Variants in LIMCH1 observed in about 807,000 individuals in gnomAD.
The protein encoded by LIMCH1 is LIM and calponin homology domains-containing protein 1.
LIMCH1 carries 113 observed loss-of-function variants against 176.5 expected under a neutral mutation model. That is an observed-to-expected ratio of 0.64 (90% CI 0.55 to 0.75). The LOEUF (loss-of-function observed/expected upper bound fraction) is 0.75, where lower values mean the gene tolerates loss of function less well. Among genes scored for constraint, LIMCH1 ranks in the 30% least tolerant of loss-of-function variants. The pLI, the probability that LIMCH1 is intolerant of heterozygous loss-of-function variation, is 0.00. For missense variants in LIMCH1, 1,674 were observed against 1,814.9 expected, an observed-to-expected ratio of 0.92 and a Z score of 1.41; for synonymous variants, 619 against 645.9, an observed-to-expected ratio of 0.96 and a Z score of 0.63.
chr4:41,473,699 A>G (rs1273872468), intron 1 of LIMCH1, among the ~76,000 whole-genome samples: 5 of 152,248 alleles, frequency 3.3e-5, no homozygotes, highest in African/African-American at 1.2e-4. Context: ...GCAAAAATAG[A>G]CAAATGAGAT....
intron 2 of LIMCH1, among the ~76,000 whole-genome samples, chr4:41,496,025 T>C (rs1440390777): frequency 6.6e-6 from 1 of 152,136 alleles, no homozygotes; most frequent in African/African-American, 2.4e-5. Flanking sequence ...GCAAGCTCAG[T>C]GGATGCAAGC....
chr4:41,387,881 G>A (rs924246798), intron 1 of LIMCH1, among the ~76,000 whole-genome samples: 2 of 152,032 alleles, frequency 1.3e-5, no homozygotes, highest in East Asian at 1.9e-4. Context: ...AGGCTGAGGC[G>A]GGTGGATCAC....
chr4:41,643,564 T>A (rs930431486), intron 14 of LIMCH1, among the ~76,000 whole-genome samples: 2 of 152,174 alleles, frequency 1.3e-5, no homozygotes, highest in African/African-American at 4.8e-5. Context: ...TATGTAAGCA[T>A]CACAAAAAAG....
At chr4:41,457,315 C>T (rs1364612460) in intron 1 of LIMCH1, among the ~76,000 whole-genome samples, 5 of 151,946 alleles carry the variant, frequency 3.3e-5, no homozygotes, top group African/African-American at 9.7e-5. Flanking sequence ...TTCTGGAGGC[C>T]TCTAGAAAGA....
At chr4:41,471,799 T>C (rs1364243021) in intron 1 of LIMCH1, among the ~76,000 whole-genome samples, 1 of 152,228 alleles carries the variant, frequency 6.6e-6, no homozygotes, top group African/African-American at 2.4e-5. Flanking sequence ...GACTTACTCA[T>C]TCCAGCCATG....
chr4:41,694,774 G>A (rs1225234126), intron 31 of LIMCH1, among the ~76,000 whole-genome samples: 1 of 152,086 alleles, frequency 6.6e-6, no homozygotes, highest in Admixed American at 6.6e-5. Flanking sequence ...CAGTAGCACA[G>A]GTGACGTAAA....
At chr4:41,432,964 A>G (rs1445473815) in intron 1 of LIMCH1, among the ~76,000 whole-genome samples, 3 of 152,210 alleles carry the variant, frequency 2.0e-5, no homozygotes, top group Non-Finnish European at 2.9e-5. Flanking sequence ...GGAATTTCAC[A>G]CTTAACAATC....
chr4:41,587,453 C>T (rs1303934713), intron 1 of LIMCH1, among the ~76,000 whole-genome samples: 2 of 152,112 alleles, frequency 1.3e-5, no homozygotes, highest in African/African-American at 4.8e-5. Context: ...GGGTGCCAGC[C>T]TTCAATAATG....
At chr4:41,445,020 CTTTTTT>C (rs11414585) in intron 1 of LIMCH1, among the ~76,000 whole-genome samples, 1 of 128,530 alleles carries the variant, frequency 7.8e-6, no homozygotes, top group African/African-American at 2.9e-5. Flanking sequence ...TTTTCCCATT[CTTTTTT>C]TTTTTTTTTT....
At position 41,605,836 on chromosome 4, in the gene LIMCH1, CTTAGT is replaced by C. The variant is rs902714863; in HGVS notation, c.-102-54_-102-50del. 12 of 1,053,690 alleles carry C rather than the reference CTTAGT, an allele frequency of 1.1e-5. No homozygotes were observed. In the African/African-American group the frequency reaches 1.7e-4, roughly 15 times the overall value. 65.3% of individuals were successfully genotyped at this position (1,053,690 alleles called of 1,614,324 possible). ...CCTGTTAGTGGTACATTATTGACTCCTTAGTTTAAACGTCATTCTTGAGGGAAAAA... is the reference window on the plus strand; with the variant it reads ...CCTGTTAGTGGTACATTATTGACTCCTTAAACGTCATTCTTGAGGGAAAAA... On this transcript the variant is annotated intron_variant, in intron 3 of 31. Transcript: ENST00000503057.
chr4:41,466,822 G>A (rs568592084), intron 1 of LIMCH1, among the ~76,000 whole-genome samples: 2 of 152,088 alleles, frequency 1.3e-5, no homozygotes, highest in African/African-American at 2.4e-5. Context: ...GTTCAGTGAC[G>A]TGAAGTGCAT....
chr4:41,609,781 C>A, intron 4 of LIMCH1: 1 of 384,788 alleles, frequency 2.6e-6, no homozygotes, highest in Non-Finnish European at 5.2e-6. Flanking sequence ...AAAGCAGAGA[C>A]AATGTTAATT....
At chr4:41,509,343 T>C (rs1184986407) in intron 2 of LIMCH1, among the ~76,000 whole-genome samples, 2 of 152,172 alleles carry the variant, frequency 1.3e-5, no homozygotes, top group African/African-American at 4.8e-5. Flanking sequence ...TAGGGCACAA[T>C]GTGTCTTTGC....
At position 41,609,717 on chromosome 4, in the gene LIMCH1, T is replaced by TAGA. The variant is rs778778942; in HGVS notation, c.9+3713_9+3714insAGA. Reference sequence around the variant, plus strand: ...AGTTCTCACCCCTTCATTAACATACTTTAACTAGAGTAACTCAGTAGCAGT... The same window carrying TAGA: ...AGTTCTCACCCCTTCATTAACATACTAGATTAACTAGAGTAACTCAGTAGCAGT... On this transcript the variant is annotated intron_variant, in intron 4 of 31. Coordinates refer to ENST00000503057, the MANE Select transcript of LIMCH1 (RefSeq NM_001330672.2). 1.3e-3 allele frequency: 573 copies of TAGA among 453,038 alleles called. 2 individuals are homozygous for TAGA. Among genetic ancestry groups the TAGA allele is most frequent in the Non-Finnish European group, 2.0e-3 (454 of 225,502 alleles). The allele number at this position is 453,038 out of a possible 1,614,324, so 28.1% of individuals were successfully genotyped here.
chr4:41,575,070 G>A (rs568288413), intron 1 of LIMCH1, among the ~76,000 whole-genome samples: 3 of 152,042 alleles, frequency 2.0e-5, no homozygotes, highest in African/African-American at 7.2e-5. Context: ...AATTTATTGA[G>A]GCATATTTTG....
intron 1 of LIMCH1, among the ~76,000 whole-genome samples, chr4:41,465,954 C>CTTTTTT (rs34784602): frequency 1.7e-4 from 18 of 108,274 alleles, no homozygotes; most frequent in South Asian, 3.2e-4. Flanking sequence ...CTGTTTGGCT[C>CTTTTTT]TTTTTTTTTT....
At chr4:41,687,749 A>T in intron 28 of LIMCH1, 91 bp from the exon 29 acceptor site, 1 of 766,892 alleles carries the variant, frequency 1.3e-6, no homozygotes, top group Non-Finnish European at 2.1e-6. Flanking sequence ...GTTTTATTTT[A>T]TTTTATTTTC....
intron 1 of LIMCH1, among the ~76,000 whole-genome samples, chr4:41,416,615 G>A (rs1408812102): frequency 4.7e-5 from 7 of 147,766 alleles, no homozygotes; most frequent in Non-Finnish European, 7.4e-5. Context: ...TCGAGATCAT[G>A]CCACTGCACT....
intron 2 of LIMCH1, among the ~76,000 whole-genome samples, chr4:41,600,529 C>T (rs539361627): frequency 0.018 from 2,701 of 152,132 alleles, 75 homozygotes; most frequent in African/African-American, 0.06. Context: ...CAGTATGTTA[C>T]TAAACCAGAA....
Sources: gnomAD v4.1 joint callset for allele counts (sites outside exome capture counted in the v4.1 genomes callset) on GRCh38, gnomAD v4.1.1 for gene constraint, MANE v1.5 for transcripts, NCBI Gene and HGNC (gene_info 2026-07-23, HGNC 2026-07-21) for gene names.